Variants in LDLRAD4 observed in about 807,000 individuals in gnomAD.
LDLRAD4 encodes the protein low-density lipoprotein receptor class A domain-containing protein 4.
In LDLRAD4, 5 loss-of-function variants were observed where a neutral mutation model predicts 17.0. The ratio of observed to expected loss-of-function variants is 0.29; its 90% CI spans 0.15 to 0.62. LDLRAD4 has a LOEUF of 0.62. LDLRAD4 is among the 20% of genes least tolerant of loss of function. The pLI, the probability that LDLRAD4 is intolerant of heterozygous loss-of-function variation, is 0.84. For synonymous variants in LDLRAD4, 168 were observed against 171.8 expected (o/e 0.98, Z 0.17); for missense variants, 340 against 424.7 (o/e 0.80, Z 1.75).
At chr18:13,478,453 C>G (rs1029272981) in intron 3 of LDLRAD4, among the ~76,000 whole-genome samples, 1 of 152,198 alleles carries the variant, frequency 6.6e-6, no homozygotes, top group Non-Finnish European at 1.5e-5. Context: ...TGCCTAAAAT[C>G]CTTGCTTGGC....
At chr18:13,612,572 T>A (rs2039685428) in intron 3 of LDLRAD4, 89 of 1,413,746 alleles carry the variant, frequency 6.3e-5, no homozygotes, top group East Asian at 2.3e-4. Context: ...GCTCACACAC[T>A]CTCCCACACC....
intron 1 of LDLRAD4, among the ~76,000 whole-genome samples, chr18:13,265,527 G>T (rs2044169032): frequency 1.3e-5 from 2 of 152,206 alleles, no homozygotes; most frequent in Admixed American, 1.3e-4. Flanking sequence ...CAAAACGTGT[G>T]ACAGGGATGA....
At chr18:13,403,520 G>A (rs973325509) in intron 2 of LDLRAD4, among the ~76,000 whole-genome samples, 1 of 152,192 alleles carries the variant, frequency 6.6e-6, no homozygotes, top group African/African-American at 2.4e-5. Flanking sequence ...TTCCTGCATT[G>A]TGAAACCCAC....
chr18:13,270,714 G>T (rs191610107), intron 1 of LDLRAD4, among the ~76,000 whole-genome samples: 1 of 152,208 alleles, frequency 6.6e-6, no homozygotes, highest in Non-Finnish European at 1.5e-5. Context: ...CTTCCTCAGG[G>T]CGTCGGCAGG....
chr18:13,319,899 G>A (rs552945251), intron 1 of LDLRAD4, among the ~76,000 whole-genome samples: 1 of 152,136 alleles, frequency 6.6e-6, no homozygotes, highest in South Asian at 2.1e-4. Context: ...ATTACTTGAG[G>A]CCACTATGTC....
At chr18:13,328,254 C>T (rs1428623831) in intron 1 of LDLRAD4, among the ~76,000 whole-genome samples, 2 of 152,206 alleles carry the variant, frequency 1.3e-5, no homozygotes, top group Non-Finnish European at 2.9e-5. Context: ...CTAAAAACTC[C>T]ATCCTTGGAT....
chr18:13,430,824 C>T (rs2090287194), intron 2 of LDLRAD4, among the ~76,000 whole-genome samples: 1 of 152,228 alleles, frequency 6.6e-6, no homozygotes, highest in African/African-American at 2.4e-5. Flanking sequence ...CCCCCAGCCC[C>T]CTCGCTGACG....
chr18:13,399,535 T>C (rs1487845209), intron 2 of LDLRAD4, among the ~76,000 whole-genome samples: 2 of 152,348 alleles, frequency 1.3e-5, no homozygotes, highest in Non-Finnish European at 2.9e-5. Context: ...TACTCAAACA[T>C]GACTTTATGG....
At chr18:13,282,314 G>A (rs1413985050) in intron 1 of LDLRAD4, among the ~76,000 whole-genome samples, 1 of 152,074 alleles carries the variant, frequency 6.6e-6, no homozygotes, top group African/African-American at 2.4e-5. Context: ...ACTCATTTCA[G>A]CATTAACCCA....
chr18:13,605,063 C>T (rs2148661799), intron 3 of LDLRAD4, among the ~76,000 whole-genome samples: 1 of 152,342 alleles, frequency 6.6e-6, no homozygotes, highest in Admixed American at 6.5e-5. Flanking sequence ...GCGTCTTCAT[C>T]ATTCTGTCTT....
intron 3 of LDLRAD4, among the ~76,000 whole-genome samples, chr18:13,448,092 G>A (rs1600360618): frequency 6.6e-6 from 1 of 152,296 alleles, no homozygotes; most frequent in Admixed American, 6.5e-5. Flanking sequence ...GAGCGTGAAA[G>A]GACAGTTGTA....
chr18:13,518,836 C>T (rs1197468941), intron 3 of LDLRAD4, among the ~76,000 whole-genome samples: 1 of 152,130 alleles, frequency 6.6e-6, no homozygotes, highest in East Asian at 1.9e-4. Flanking sequence ...TACACATTCT[C>T]ATGGGTGGAG....
At chr18:13,613,027 A>C (rs1057156140) in intron 3 of LDLRAD4, 3 of 423,928 alleles carry the variant, frequency 7.1e-6, no homozygotes, top group Non-Finnish European at 1.3e-5. Flanking sequence ...GTTATGCATG[A>C]GTACACAGTT....
chr18:13,460,961 A>G (rs898430653), intron 3 of LDLRAD4: 2 of 152,202 alleles, frequency 1.3e-5, no homozygotes, highest in African/African-American at 4.8e-5. Flanking sequence ...GTGTGCCTGG[A>G]ACAGCCTGCC....
At chr18:13,568,955 T>G (rs1404575282) in intron 3 of LDLRAD4, among the ~76,000 whole-genome samples, 2 of 152,180 alleles carry the variant, frequency 1.3e-5, no homozygotes, top group African/African-American at 4.8e-5. Flanking sequence ...ATGAAGGATG[T>G]TGGCTCCTCT....
At chr18:13,421,350 G>C (rs2089433591) in intron 2 of LDLRAD4, 1 of 152,300 alleles carries the variant, frequency 6.6e-6, no homozygotes, top group Non-Finnish European at 1.5e-5. Context: ...GTCTGTGGAG[G>C]CTGCAGCTCC....
chr18:13,365,591 C>T (rs2084000136), intron 1 of LDLRAD4, among the ~76,000 whole-genome samples: 1 of 152,248 alleles, frequency 6.6e-6, no homozygotes, highest in Non-Finnish European at 1.5e-5. Context: ...AGTTCTCACA[C>T]AGCATCTTGC....
intron 1 of LDLRAD4, among the ~76,000 whole-genome samples, chr18:13,294,890 T>A (rs954223323): frequency 3.9e-5 from 6 of 152,178 alleles, no homozygotes; most frequent in African/African-American, 1.4e-4. Context: ...GACTGTATTC[T>A]TGCTGGACAG....
At chr18:13,258,891 C>A (rs73417382) in intron 1 of LDLRAD4, among the ~76,000 whole-genome samples, 14,420 of 152,188 alleles carry the variant, frequency 0.095, 806 homozygotes, top group East Asian at 0.17. Flanking sequence ...CTCCCAGAAG[C>A]ACCATCTAAA....
Sources: allele counts gnomAD v4.1 joint callset (sites outside exome capture counted in the v4.1 genomes callset), GRCh38; gene constraint gnomAD v4.1.1; transcripts MANE v1.5; gene names NCBI Gene and HGNC (gene_info 2026-07-23, HGNC 2026-07-21).